CNBD1: variants seen among roughly 807,000 people sequenced by gnomAD.
CNBD1 encodes cyclic nucleotide-binding domain-containing protein 1.
CNBD1 carries 71 observed loss-of-function variants against 54.4 expected under a neutral mutation model. The ratio of observed to expected loss-of-function variants is 1.30; its 90% CI spans 1.08 to 1.59. CNBD1 has a LOEUF of 1.59. Among genes scored for constraint, CNBD1 ranks in the 40% most tolerant of loss-of-function variants. CNBD1 has a pLI of 0.00. For missense variants in CNBD1, 659 were observed against 518.0 expected, an observed-to-expected ratio of 1.27 and a Z score of -2.64; for synonymous variants, 182 against 170.7, an observed-to-expected ratio of 1.07 and a Z score of -0.51.
At chr8:87,111,810 A>G (rs1811669696) in intron 4 of CNBD1, among the ~76,000 whole-genome samples, 2 of 149,132 alleles carry the variant, frequency 1.3e-5, no homozygotes, top group Non-Finnish European at 3.0e-5. Context: ...GCATCCTGCC[A>G]TTAAGACTTT....
chr8:87,338,047 A>C (rs1009145952), intron 8 of CNBD1, among the ~76,000 whole-genome samples: 4 of 152,276 alleles, frequency 2.6e-5, no homozygotes, highest in Non-Finnish European at 5.9e-5. Flanking sequence ...CTCACTGAGC[A>C]TATCAGGTGT....
At chr8:87,426,616 A>G (rs1031862335) in intron 2 of CNBD1, among the ~76,000 whole-genome samples, 4 of 152,172 alleles carry the variant, frequency 2.6e-5, no homozygotes, top group Non-Finnish European at 4.4e-5. Context: ...AGCAATGCCA[A>G]TTGCTTAATT....
intron 4 of CNBD1, among the ~76,000 whole-genome samples, chr8:87,041,551 C>T (rs1007959946): frequency 3.3e-5 from 5 of 152,176 alleles, no homozygotes; most frequent in Non-Finnish European, 2.9e-5. Flanking sequence ...GTAATCCCAG[C>T]ACTTTGGGAA....
downstream of CNBD1, among the ~76,000 whole-genome samples, chr8:87,383,344 A>T (rs1811121737): frequency 6.6e-6 from 1 of 152,144 alleles, no homozygotes; most frequent in African/African-American, 2.4e-5. Flanking sequence ...CCCATTTGAT[A>T]GTCCTTAGTA....
intron 4 of CNBD1, among the ~76,000 whole-genome samples, chr8:87,117,610 T>C (rs1811801847): frequency 6.6e-6 from 1 of 152,144 alleles, no homozygotes. Flanking sequence ...TCTTTCATTA[T>C]ATGCTTCACA....
downstream of CNBD1, among the ~76,000 whole-genome samples, chr8:87,386,025 A>T (rs1811177606): frequency 6.6e-6 from 1 of 152,196 alleles, no homozygotes; most frequent in African/African-American, 2.4e-5. Context: ...GTGGACCTCC[A>T]GCAAACTCCA....
chr8:87,390,560 A>G (rs1452849630), intron 2 of CNBD1, among the ~76,000 whole-genome samples: 5 of 152,322 alleles, frequency 3.3e-5, no homozygotes, highest in Admixed American at 1.3e-4. Flanking sequence ...CACACCAGTT[A>G]GAATGGCGAT....
chr8:87,413,331 T>C (rs1807779866), intron 2 of CNBD1, among the ~76,000 whole-genome samples: 1 of 152,084 alleles, frequency 6.6e-6, no homozygotes, highest in African/African-American at 2.4e-5. Context: ...ATTTCTATAG[T>C]TGTGTTTTAA....
chr8:87,042,054 T>C (rs1466206774), intron 4 of CNBD1, among the ~76,000 whole-genome samples: 1 of 152,094 alleles, frequency 6.6e-6, no homozygotes, highest in East Asian at 1.9e-4. Flanking sequence ...GTGGAGAGGA[T>C]TTGCTAATAA....
chr8:86,887,516 CAA>C, intron 1 of CNBD1, 24 bp from the exon 2 acceptor site: 1 of 1,454,784 alleles, frequency 6.9e-7, no homozygotes, highest in Non-Finnish European at 9.4e-7. Context: ...GAAAATTACT[CAA>C]ATTTTTAATT....
intron 4 of CNBD1, among the ~76,000 whole-genome samples, chr8:86,951,451 G>A (rs1807619324): frequency 6.6e-6 from 1 of 151,156 alleles, no homozygotes; most frequent in Non-Finnish European, 1.5e-5. Flanking sequence ...GTGGTGGTGG[G>A]CACCTGTAAT....
At chr8:86,950,154 C>T (rs186024597) in intron 4 of CNBD1, among the ~76,000 whole-genome samples, 3,605 of 148,316 alleles carry the variant, frequency 0.024, 76 homozygotes, top group Middle Eastern at 0.12. Context: ...CTCTGCCTCC[C>T]GGGTTTAAGC....
chr8:87,126,224 A>G (rs1235241092), intron 4 of CNBD1, among the ~76,000 whole-genome samples: 1 of 151,940 alleles, frequency 6.6e-6, no homozygotes, highest in Non-Finnish European at 1.5e-5. Flanking sequence ...TGGCAAGTGT[A>G]TGTTTAACTA....
intron 5 of CNBD1, among the ~76,000 whole-genome samples, chr8:87,228,911 C>G (rs938901092): frequency 2.6e-5 from 4 of 152,248 alleles, no homozygotes; most frequent in Admixed American, 1.3e-4. Context: ...GGGTAGGACC[C>G]TCCGAGCCAG....
intron 2 of CNBD1, among the ~76,000 whole-genome samples, chr8:87,422,218 G>T (rs1201767079): frequency 6.8e-6 from 1 of 147,220 alleles, no homozygotes; most frequent in East Asian, 1.9e-4. Context: ...TTCCCATTTT[G>T]TAGGTTGCCT....
At chr8:87,200,144 T>C (rs1813826008) in intron 4 of CNBD1, among the ~76,000 whole-genome samples, 1 of 152,114 alleles carries the variant, frequency 6.6e-6, no homozygotes, top group Non-Finnish European at 1.5e-5. Context: ...ACAAAGATAA[T>C]GGGAATCCCA....
At chr8:87,414,788 G>A (rs1807809392) in intron 2 of CNBD1, among the ~76,000 whole-genome samples, 1 of 99,050 alleles carries the variant, frequency 1.0e-5, no homozygotes, top group South Asian at 2.5e-4. Flanking sequence ...TATTTAAAAA[G>A]GATTTTTTTT....
rs1320987184 is a variant in CNBD1, at chr8:87,072,505, G to T, written c.431+132751G>T. ...GAGCTCTTGCAAGGCAGGCCTGGTG[G>T]TGAAGAATTTCCTTAGCATTTGCTT... On this transcript the variant is annotated intron_variant, in intron 4 of 10. Coordinates refer to ENST00000518476, the MANE Select transcript of CNBD1 (RefSeq NM_173538.3). Among the ~76,000 whole-genome samples the T allele has an allele frequency of 2.0e-5, 3 of 152,150 alleles. No individual in the cohort carries two copies. The East Asian group carries it at 5.8e-4, about 29-fold the overall frequency.
chr8:87,377,553 T>C (rs2130955570), intron 10 of CNBD1, among the ~76,000 whole-genome samples: 1 of 152,074 alleles, frequency 6.6e-6, no homozygotes, highest in Middle Eastern at 3.4e-3. Flanking sequence ...AGTCTATCAT[T>C]GTTGGACATT....
Sources: gnomAD v4.1 joint callset for allele counts (sites outside exome capture counted in the v4.1 genomes callset) on GRCh38, gnomAD v4.1.1 for gene constraint, MANE v1.5 for transcripts, NCBI Gene and HGNC (gene_info 2026-07-23, HGNC 2026-07-21) for gene names.